The following ADCY9 variants were observed in gnomAD, a reference collection of about 807,000 sequenced individuals.
ADCY9 encodes adenylate cyclase 9.
ADCY9 carries 50 observed loss-of-function variants against 101.5 expected under a neutral mutation model. That is an observed-to-expected ratio of 0.49 (90% CI 0.39 to 0.62). The LOEUF is 0.62. ADCY9 is among the 20% of genes least tolerant of loss of function. ADCY9 has a pLI of 0.00. For synonymous variants in ADCY9, 905 were observed against 769.3 expected, an observed-to-expected ratio of 1.18 and a Z score of -2.92; for missense variants, 1,662 against 1,800.4, an observed-to-expected ratio of 0.92 and a Z score of 1.39.
chr16:4,099,607 G>C (rs573235764), intron 2 of ADCY9, among the ~76,000 whole-genome samples: 2 of 152,216 alleles, frequency 1.3e-5, no homozygotes, highest in Non-Finnish European at 2.9e-5. Context: ...AGAGGACTCA[G>C]CAGCCAACTT....
intron 2 of ADCY9, among the ~76,000 whole-genome samples, chr16:4,051,732 G>A (rs1037965030): frequency 6.6e-6 from 1 of 152,166 alleles, no homozygotes; most frequent in African/African-American, 2.4e-5. Context: ...GAGAAAGACA[G>A]CAGGCAAGCT....
intron 2 of ADCY9, among the ~76,000 whole-genome samples, chr16:4,078,348 A>C (rs978503710): frequency 6.6e-6 from 1 of 151,962 alleles, no homozygotes; most frequent in African/African-American, 2.4e-5. Context: ...GATTGCTTGA[A>C]CTCAGAAGTT....
rs374871114 is a variant in ADCY9 at position 3,992,411 on chromosome 16, G to A, written c.1990-48C>T. The stretch of plus-strand genomic sequence containing the variant: ...CAGACACGGGAAGTGAAGTGGCACC[G>A]GGCACTGGGCACACACGCCTGTCCC... On this transcript the variant is annotated intron_variant, in intron 4 of 10. Coordinates refer to ENST00000294016, the MANE Select transcript of ADCY9 (RefSeq NM_001116.4). This position sits in a 1 kb window ranked among gnomAD's most constrained non-coding sequence, Gnocchi z 4.2. 2.9e-5 allele frequency: 44 copies of A among 1,541,168 alleles called. No homozygotes were observed. The highest frequency in any genetic ancestry group is 1.7e-4 in the Admixed American group (10 of 58,226).
intron 2 of ADCY9, among the ~76,000 whole-genome samples, chr16:4,058,193 G>C (rs1161836061): frequency 1.3e-5 from 2 of 149,714 alleles, no homozygotes; most frequent in Non-Finnish European, 3.0e-5. Context: ...GCTGGGCGCA[G>C]TGGCTCATGC....
At chr16:4,078,776 T>C (rs541446291) in intron 2 of ADCY9, among the ~76,000 whole-genome samples, 6 of 152,176 alleles carry the variant, frequency 3.9e-5, no homozygotes, top group Non-Finnish European at 8.8e-5. Context: ...ATGGGAGGCA[T>C]TTTACAACAT....
downstream of ADCY9, among the ~76,000 whole-genome samples, chr16:3,958,977 G>T (rs956824361): frequency 6.6e-6 from 1 of 151,494 alleles, no homozygotes; most frequent in African/African-American, 2.4e-5. Flanking sequence ...GCCCTGCCTC[G>T]GTTGCTTTTT....
rs1261028160 is a variant in ADCY9, at chr16:3,974,707, A to G, written c.2832T>C (p.Ser944=). ...CTGCGTCAAGGGGCGAAGTTAATAC[A>G]GAACTGAAATTAAAATGCAGAAAAA... ...LLYVSLCPDS[S]VLTSPLDAVQ... Residue 944 remains serine, a synonymous_variant, in exon 10 of 11, where the codon TCT becomes TCC. Transcript: ENST00000294016. 2 of 1,612,444 alleles carry G rather than the reference A, an allele frequency of 1.2e-6. No individual in the cohort carries two copies. Among genetic ancestry groups the G allele is most frequent in the South Asian group, 1.1e-5 (1 of 90,972 alleles).
chr16:3,958,673 C>CTTTTTTT (rs1207846349), downstream of ADCY9, among the ~76,000 whole-genome samples: 5,330 of 102,850 alleles, frequency 0.052, 741 homozygotes, highest in African/African-American at 0.071. Flanking sequence ...TCGTCGGTTA[C>CTTTTTTT]TTTTTTTTTT....
At chr16:4,044,133 G>T (rs944016506) in intron 2 of ADCY9, among the ~76,000 whole-genome samples, 2 of 152,088 alleles carry the variant, frequency 1.3e-5, no homozygotes, top group Admixed American at 1.3e-4. Flanking sequence ...GATCACCTGA[G>T]ATCAGGAGTT....
rs190305285 is a variant in ADCY9 at position 4,016,345 on chromosome 16, C to T, written c.1694-8787G>A. 1.2e-4 allele frequency among the ~76,000 whole-genome samples: 18 copies of T among 152,252 alleles called. No individual in the cohort carries two copies. In the East Asian group the frequency reaches 1.9e-3, roughly 16 times the overall value. ...GAAACAAGAGAGCTGGGGAAAGATA[C>T]CAGAACTGAAACAGACCACCAGCTG... On this transcript the variant is annotated intron_variant, in intron 2 of 10. Coordinates refer to ENST00000294016, the MANE Select transcript of ADCY9 (RefSeq NM_001116.4).
At chr16:4,047,384 T>C (rs1032184351) in intron 2 of ADCY9, among the ~76,000 whole-genome samples, 2 of 152,054 alleles carry the variant, frequency 1.3e-5, no homozygotes, top group African/African-American at 4.8e-5. Context: ...TCTAAAATAT[T>C]AGAATTTATA....
intron 2 of ADCY9, among the ~76,000 whole-genome samples, chr16:4,058,385 A>C (rs1329339709): frequency 6.6e-6 from 1 of 151,570 alleles, no homozygotes; most frequent in African/African-American, 2.4e-5. Flanking sequence ...GAATCACTTG[A>C]ACCTGGGAGG....
intron 2 of ADCY9, among the ~76,000 whole-genome samples, chr16:4,038,638 T>C (rs1293354983): frequency 6.6e-6 from 1 of 152,142 alleles, no homozygotes; most frequent in Non-Finnish European, 1.5e-5. Flanking sequence ...GAAGTCAGCA[T>C]GGTTTCAGTT....
intron 2 of ADCY9, among the ~76,000 whole-genome samples, chr16:4,066,575 T>C (rs2141165187): frequency 6.6e-6 from 1 of 151,952 alleles, no homozygotes; most frequent in East Asian, 1.9e-4. Context: ...TTTGTAGAAA[T>C]GAGGTCTCGC....
rs1174391818 is a variant in ADCY9, at chr16:3,964,605, C to A, written c.*1170G>T. On this transcript the variant is annotated 3_prime_UTR_variant, in exon 11 of 11. Transcript: ENST00000294016. The stretch of plus-strand genomic sequence containing the variant: ...TGGCACCGGTGCTGCCGGCACAGAC[C>A]CCCGTGGTTCTGAGCTGGACCCCGG... The A allele has an allele frequency of 1.3e-5, 2 of 152,512 alleles. No individual in the cohort carries two copies. The highest frequency in any genetic ancestry group is 2.9e-5 in the Non-Finnish European group (2 of 68,330). 9.4% of individuals were successfully genotyped at this position (152,512 alleles called of 1,614,324 possible). A position where few individuals can be genotyped will look rare whatever the true frequency, so the allele number is the denominator to read the frequency against.
At chr16:3,956,725 C>A (rs2055908738) in intron 5 of ADCY9, among the ~76,000 whole-genome samples, 1 of 151,006 alleles carries the variant, frequency 6.6e-6, no homozygotes, top group Non-Finnish European at 1.5e-5. Flanking sequence ...GAACTGCTGA[C>A]CTCAAGTGAT....
Position 4,116,068 on chromosome 16 carries a change from G to C in ADCY9, c.-422C>G, listed in dbSNP as rs1374192994. 3 of 145,428 alleles carry C rather than the reference G, an allele frequency of 2.1e-5. No homozygotes were observed. Among genetic ancestry groups the C allele is most frequent in the Non-Finnish European group, 4.6e-5 (3 of 65,544 alleles). 9.0% of individuals were successfully genotyped at this position (145,428 alleles called of 1,614,324 possible). A position where few individuals can be genotyped will look rare whatever the true frequency, so the allele number is the denominator to read the frequency against. ...CGCGCTCCGGGCCGGCCCTGCCCGC[G>C]GCGGCGGGCGCTGGGGGTGGGGGCG... On this transcript the variant is annotated 5_prime_UTR_variant, in exon 1 of 11. Coordinates refer to ENST00000294016, the MANE Select transcript of ADCY9 (RefSeq NM_001116.4).
chr16:3,989,248 C>T (rs1461056966), intron 5 of ADCY9, 152 bp from the exon 6 acceptor site: 2 of 596,052 alleles, frequency 3.4e-6, no homozygotes, highest in Non-Finnish European at 6.0e-6. Context: ...CACTCAGCTG[C>T]CCCTTGTTAA....
chr16:4,097,269 C>T (rs1478591288), intron 2 of ADCY9, among the ~76,000 whole-genome samples: 2 of 151,682 alleles, frequency 1.3e-5, no homozygotes, highest in African/African-American at 4.8e-5. Flanking sequence ...GCACCATGCG[C>T]TGGTCAGCCC....
Sources: gnomAD v4.1 joint callset for allele counts (sites outside exome capture counted in the v4.1 genomes callset) on GRCh38, gnomAD v4.1.1 for gene constraint, Gnocchi (gnomAD v3.1) non-coding constraint, MANE v1.5 for transcripts, NCBI Gene and HGNC (gene_info 2026-07-23, HGNC 2026-07-21) for gene names.